The following ELF4 variants were observed in gnomAD, a reference collection of about 807,000 sequenced individuals.
The protein encoded by ELF4 is E74 like ETS transcription factor 4.
A neutral mutation model predicts 31.7 loss-of-function variants in ELF4; 10 were observed. The ratio of observed to expected loss-of-function variants is 0.32; its 90% confidence interval spans 0.19 to 0.54. The LOEUF is 0.54. Among genes scored for constraint, ELF4 ranks in the 20% least tolerant of loss-of-function variants. The probability of loss-of-function intolerance (pLI) is 0.95; values close to 1 mark genes in which losing one functional copy is unlikely to be tolerated. For missense variants in ELF4, 418 were observed against 522.0 expected (o/e 0.80, Z 1.94); for synonymous variants, 208 against 226.7 (o/e 0.92, Z 0.74).
Position 130,067,416 on chromosome X carries a change from G to C in ELF4, c.1297C>G (p.Pro433Ala), listed in dbSNP as rs1202119917. The change falls in exon 9 of 9, where the codon CCT becomes GCT. Residue 433 changes from proline (P) to alanine (A), a missense_variant. This residue lies in a region of ELF4 where 260 missense variants were observed against 269.2 expected (regional missense o/e 0.97). Transcript: ENST00000308167. Reference sequence around the variant, plus strand: ...TGAGTGGGAGCAGTAGTACTGGCAGGAGGCCCATTGGTCAGCACCGTGGTC... The same window carrying C: ...TGAGTGGGAGCAGTAGTACTGGCAGCAGGCCCATTGGTCAGCACCGTGGTC... ...PLTTVLTNGP[P>A]ASTTAPTQLV... 8.2e-7 allele frequency: 1 copy of C among 1,212,207 alleles called. No individual in the cohort carries two copies. The highest frequency in any genetic ancestry group is 2.2e-5 in the Admixed American group (1 of 46,101).
chrX:130,092,564 C>G (rs1266830309), intron 1 of ELF4, among the ~76,000 whole-genome samples: 1 of 112,487 alleles, frequency 8.9e-6, no homozygotes, highest in Non-Finnish European at 1.9e-5. Flanking sequence ...TCTCCTACTA[C>G]CAGATGAGTA....
In ELF4 at chrX:130,074,701, G is replaced by T. The variant is rs773927889; in HGVS notation, c.127C>A (p.Pro43Thr). 2 of 1,211,484 alleles carry T rather than the reference G, an allele frequency of 1.7e-6. No homozygotes were observed. Among genetic ancestry groups the T allele is most frequent in the Non-Finnish European group, 1.1e-6 (1 of 895,485 alleles). The change falls in exon 3 of 9, where the codon CCT (proline) becomes ACT (threonine). Residue 43 changes from proline (P) to threonine (T), a missense_variant. Physicochemically the swap from Pro to Thr is conservative, Grantham distance 38. Around this residue, in one of 4 missense-constraint regions of ELF4, gnomAD observed 35 missense variants for 76.4 expected, o/e 0.46. Coordinates refer to ENST00000308167, the MANE Select transcript of ELF4 (RefSeq NM_001421.4). ...CCCGAGTACAGATGCAGTAAATCAG[G>T]GTAGGGTACCTGCTCCACGATCACA... is the stretch of plus-strand genomic sequence containing the variant. ...PAVIVEQVPY[P>T]DLLHLYSGLE...
intron 1 of ELF4, among the ~76,000 whole-genome samples, chrX:130,102,872 G>GAAAGAAAGAAAGAA (rs1421025587): frequency 1.4e-4 from 9 of 64,055 alleles, no homozygotes; most frequent in African/African-American, 8.7e-4. Flanking sequence ...GAGAGAGAGA[G>GAAAGAAAGAAAGAA]AGAGAGAGAG....
chrX:130,084,776 T>C (rs1932937092), intron 1 of ELF4, among the ~76,000 whole-genome samples: 1 of 111,480 alleles, frequency 9.0e-6, no homozygotes, highest in South Asian at 3.7e-4. Flanking sequence ...AAGTGAGAGG[T>C]GGAGAGAGGC....
chrX:130,108,831 A>G (rs999812344), intron 1 of ELF4, among the ~76,000 whole-genome samples: 1 of 108,325 alleles, frequency 9.2e-6, no homozygotes, highest in Non-Finnish European at 1.9e-5. Context: ...CCTGCCCCCA[A>G]CAAGAGATCC....
chrX:130,110,928 G>C (rs1159553150), upstream of ELF4, among the ~76,000 whole-genome samples: 8 of 97,327 alleles, frequency 8.2e-5, no homozygotes, highest in Non-Finnish European at 1.7e-4. Flanking sequence ...CGGCGGATGG[G>C]GCGGGCGCGA....
At chrX:130,070,035 C>A (rs867010248) in intron 7 of ELF4, among the ~76,000 whole-genome samples, 3 of 112,123 alleles carry the variant, frequency 2.7e-5, no homozygotes, top group South Asian at 3.7e-4. Flanking sequence ...GCCTGAGAGA[C>A]CACCTCTAGG....
chrX:130,102,115 C>G (rs1297901803), intron 1 of ELF4, among the ~76,000 whole-genome samples: 1 of 113,067 alleles, frequency 8.8e-6, no homozygotes, highest in East Asian at 2.7e-4. Flanking sequence ...GACTGGCACT[C>G]CAGCCTGGGC....
chrX:130,095,996 C>T lies in ELF4; in HGVS notation c.-210+14329G>A, dbSNP rs139279369. On this transcript the variant is annotated intron_variant, in intron 1 of 8. Transcript: ENST00000308167. Reference sequence around the variant, plus strand: ...TCTCTGTGGTAGAGTCTCTTTGTATCCAAATTCCCACTAAGCTCAGTAGCC... The same window carrying T: ...TCTCTGTGGTAGAGTCTCTTTGTATTCAAATTCCCACTAAGCTCAGTAGCC... 1.1e-3 allele frequency among the ~76,000 whole-genome samples: 127 copies of T among 111,036 alleles called. No homozygotes were observed. The East Asian group carries it at 0.025, about 22-fold the overall frequency.
intron 2 of ELF4, among the ~76,000 whole-genome samples, chrX:130,079,686 C>T (rs769523060): frequency 9.0e-6 from 1 of 110,607 alleles, no homozygotes; most frequent in East Asian, 2.8e-4. Context: ...GGGCTTTGAG[C>T]TTCTCTGTGG....
intron 1 of ELF4, among the ~76,000 whole-genome samples, chrX:130,081,853 C>T (rs918903290): frequency 2.9e-4 from 32 of 112,003 alleles, no homozygotes; most frequent in Non-Finnish European, 4.5e-4. Context: ...GCCTCCTCCC[C>T]TTCCCCTGGA....
At chrX:130,074,537 C>T in intron 3 of ELF4, 44 bp downstream of exon 3, 1 of 1,209,827 alleles carries the variant, frequency 8.3e-7, no homozygotes, top group Non-Finnish European at 1.1e-6. Flanking sequence ...AAAGACACAG[C>T]CCCTTTTTCT....
chrX:130,072,316 C>A lies in ELF4; in HGVS notation c.442G>T (p.Gly148Cys), dbSNP rs767517354. 1 of 1,212,475 alleles carries A rather than the reference C, an allele frequency of 8.2e-7. No homozygotes were observed. Among genetic ancestry groups the A allele is most frequent in the Non-Finnish European group, 1.1e-6 (1 of 895,647 alleles). ...ASEPDALNRA[G>C]DTSDQEGHSL... ...TGCCCCTCCTGGTCACTAGTGTCAC[C>A]CGCCCTGTTCAGGGCATCGGGCTCA... The change falls in exon 5 of 9, where the codon GGT (glycine) becomes TGT (cysteine). Residue 148 changes from glycine (G) to cysteine (C), a missense_variant. Physicochemically the swap from Gly to Cys is radical, Grantham distance 159. Coordinates refer to ENST00000308167, the MANE Select transcript of ELF4 (RefSeq NM_001421.4).
chrX:130,083,052 T>C (rs1161160470), intron 1 of ELF4, among the ~76,000 whole-genome samples: 1 of 110,318 alleles, frequency 9.1e-6, no homozygotes, highest in Non-Finnish European at 1.9e-5. Flanking sequence ...TCCTACTTCC[T>C]TTCCGTTAGC....
Position 130,071,376 on chromosome X carries a change from G to T in ELF4, c.576C>A (p.Asp192Glu), listed in dbSNP as rs1208443523. The part of the protein sequence containing the change: ...KGNRSTSPVT[D>E]PSIPIRKKSK... ...ATTTCTTCCTAATGGGGATGCTGGG[G>T]TCAGTGACAGGTGAGGTACTTCGGT... Residue 192 changes from aspartate to glutamate, a missense_variant, in exon 6 of 9, where the codon GAC (aspartate) becomes GAA (glutamate). By Grantham distance (45) the Asp-to-Glu change is conservative (BLOSUM62 2). This residue lies in a region of ELF4 where 88 missense variants were observed against 92.4 expected (regional missense o/e 0.95). Transcript: ENST00000308167. The T allele has an allele frequency of 5.0e-6, 6 of 1,212,025 alleles. No homozygotes were observed. Among genetic ancestry groups the T allele is most frequent in the Non-Finnish European group, 6.7e-6 (6 of 895,585 alleles).
intron 1 of ELF4, among the ~76,000 whole-genome samples, chrX:130,094,425 T>C (rs1363486683): frequency 1.1e-5 from 1 of 89,524 alleles, no homozygotes; most frequent in African/African-American, 4.3e-5. Flanking sequence ...AAATTAGCCA[T>C]GCATGGTGGC....
At chrX:130,093,907 G>A (rs1933101675) in intron 1 of ELF4, among the ~76,000 whole-genome samples, 2 of 112,137 alleles carry the variant, frequency 1.8e-5, no homozygotes, top group South Asian at 7.3e-4. Context: ...TGTATCTTTG[G>A]CCAAGAACCC....
rs946877177 is a variant in ELF4 at position 130,072,390 on chromosome X, G to A, written c.368C>T (p.Ser123Leu). The change falls in exon 5 of 9, where the codon TCG becomes TTG. Residue 123 changes from serine to leucine, a missense_variant. This residue lies in a region of ELF4 where 88 missense variants were observed against 92.4 expected (regional missense o/e 0.95). Transcript: ENST00000308167. The stretch of plus-strand genomic sequence containing the variant: ...CAGAGTGACAGCTGGTGCAGGGTCC[G>A]AGTCTGGAAGCATTTCGGAGGTACT... The part of the protein sequence containing the change: ...IFSTSEMLPD[S>L]DPAPAVTLPN... 6.6e-6 allele frequency: 8 copies of A among 1,212,149 alleles called. No homozygotes were observed. Among genetic ancestry groups the A allele is most frequent in the Admixed American group, 2.2e-5 (1 of 46,097 alleles).
intron 2 of ELF4, among the ~76,000 whole-genome samples, chrX:130,078,079 C>T (rs1232965717): frequency 9.3e-6 from 1 of 107,897 alleles, no homozygotes; most frequent in Non-Finnish European, 1.9e-5. Context: ...AGAGTTTTGC[C>T]TCTTGTTGCC....
Sources: gnomAD v4.1 joint callset for allele counts (sites outside exome capture counted in the v4.1 genomes callset) on GRCh38, gnomAD v4.1.1 for gene constraint, gnomAD v4.1.1 regional missense constraint, MANE v1.5 for transcripts, NCBI Gene and HGNC (gene_info 2026-07-23, HGNC 2026-07-21) for gene names.